Variants in RELN observed in about 807,000 individuals in gnomAD.
RELN encodes reelin.
Under a neutral mutation model 427.6 loss-of-function variants are expected in RELN, and 108 were observed. That is an observed-to-expected ratio of 0.25 (90% confidence interval 0.22 to 0.30). RELN has a LOEUF of 0.30. RELN is among the 10% of genes least tolerant of loss of function. The pLI is 1.00. For synonymous variants in RELN, 1,524 were observed against 1,513.4 expected (o/e 1.01, Z -0.16); for missense variants, 3,715 against 4,302.8 (o/e 0.86, Z 3.82).
intron 53 of RELN, among the ~76,000 whole-genome samples, chr7:103,500,394 CAATAAT>C (rs149534236): frequency 2.0e-5 from 3 of 150,538 alleles, no homozygotes; most frequent in African/African-American, 4.9e-5. Context: ...ACAATAATAA[CAATAAT>C]ATCTTCCTTC....
intron 1 of RELN, among the ~76,000 whole-genome samples, chr7:103,923,377 A>G (rs1795657563): frequency 6.6e-6 from 1 of 152,152 alleles, no homozygotes; most frequent in African/African-American, 2.4e-5. Context: ...TACATATATT[A>G]ATTCCATTTT....
In RELN at chr7:103,603,436, G is replaced by A. The variant is rs1831726618; in HGVS notation, c.3201C>T (p.Ser1067=). 6.2e-7 allele frequency: 1 copy of A among 1,613,882 alleles called. No individual in the cohort carries two copies. The highest frequency in any genetic ancestry group is 8.5e-7 in the Non-Finnish European group (1 of 1,179,848). ...GGTTCTCAAAATCTGACATAATTGT[G>A]GACGGAAGGGCAGCTTCTGGGTGGC... ...TECHPEAALP[S]TIMSDFENQN... Residue 1067 remains serine (S), a synonymous_variant, in exon 24 of 65, where the codon TCC becomes TCT. Coordinates refer to ENST00000428762, the MANE Select transcript of RELN (RefSeq NM_005045.4). The surrounding 1 kb of genome is among the most constrained non-coding windows in gnomAD (Gnocchi z 4.3).
chr7:103,572,260 T>C lies in RELN; in HGVS notation c.4512A>G (p.Arg1504=). 1 of 1,546,864 alleles carries C rather than the reference T, an allele frequency of 6.5e-7. No individual in the cohort carries two copies. The highest frequency in any genetic ancestry group is 1.1e-5 in the South Asian group (1 of 89,754). The change falls in exon 31 of 65, where the codon AGA becomes AGG. Residue 1504 remains arginine (R), a splice_region_variant and synonymous_variant. Transcript: ENST00000428762. ...CAATTTGTATATAAAATTGAACAAG[T>C]CTGGGGAATAAAAACTTTAGTTTAC... ...RTVPLDTRNI[R]LVQFYIQIGS...
intron 28 of RELN, among the ~76,000 whole-genome samples, chr7:103,579,136 T>C (rs947898979): frequency 1.3e-5 from 2 of 152,118 alleles, no homozygotes; most frequent in Non-Finnish European, 2.9e-5. Context: ...GGAGACACAC[T>C]TAATCAAACA....
intron 10 of RELN, among the ~76,000 whole-genome samples, chr7:103,687,663 A>C (rs1833791194): frequency 6.6e-6 from 1 of 152,128 alleles, no homozygotes; most frequent in Non-Finnish European, 1.5e-5. Context: ...AGATGATAGA[A>C]ACTGTAACTA....
chr7:103,706,169 T>G (rs1834195136), intron 8 of RELN, among the ~76,000 whole-genome samples: 1 of 151,996 alleles, frequency 6.6e-6, no homozygotes, highest in Non-Finnish European at 1.5e-5. Flanking sequence ...ACCTATTTGT[T>G]AGCATCATTG....
chr7:103,975,566 G>A (rs1253713374), intron 1 of RELN, among the ~76,000 whole-genome samples: 1 of 74,136 alleles, frequency 1.3e-5, no homozygotes, highest in Non-Finnish European at 2.9e-5. Flanking sequence ...TATTTATTTT[G>A]AGACGGAGTC....
intron 2 of RELN, among the ~76,000 whole-genome samples, chr7:103,841,915 A>C (rs1166452273): frequency 1.3e-5 from 2 of 152,138 alleles, no homozygotes; most frequent in Non-Finnish European, 2.9e-5. Flanking sequence ...TGGGTTCAAC[A>C]AGCCTTGGTC....
At chr7:103,860,883 C>T (rs868683439) in intron 2 of RELN, among the ~76,000 whole-genome samples, 1 of 152,058 alleles carries the variant, frequency 6.6e-6, no homozygotes, top group South Asian at 2.1e-4. Flanking sequence ...TTCATGACAC[C>T]TTGAGGATAA....
chr7:103,927,377 G>A (rs1014770455), intron 1 of RELN, among the ~76,000 whole-genome samples: 7 of 151,976 alleles, frequency 4.6e-5, no homozygotes, highest in African/African-American at 9.7e-5. Context: ...TGCTGACATC[G>A]AAATTCACAA....
At chr7:103,874,279 C>T (rs1794422993) in intron 2 of RELN, among the ~76,000 whole-genome samples, 2 of 124,060 alleles carry the variant, frequency 1.6e-5, no homozygotes, top group African/African-American at 2.9e-5. Flanking sequence ...TGGAAGCATT[C>T]CCTTTGAAAA....
At chr7:103,607,178 G>A (rs1831841012) in intron 22 of RELN, among the ~76,000 whole-genome samples, 1 of 151,842 alleles carries the variant, frequency 6.6e-6, no homozygotes. Flanking sequence ...ACACCAACAT[G>A]GCACATGTAT....
Position 103,636,314 on chromosome 7 carries a change from C to A in RELN, c.2224G>T (p.Ala742Ser). ...TTGAAAACCAGGGCCTTACCACTGG[C>A]CAAGACACCACAACCAAAGCTGACT... The part of the protein sequence containing the change: ...AEVSFGCGVL[A>S]SGKALVFNKD... Residue 742 changes from alanine (A) to serine (S), a missense_variant, in exon 18 of 65, where the codon GCC (alanine) becomes TCC (serine). Ala to Ser is a moderately conservative substitution (Grantham distance 99). This residue lies in a region of RELN where 2,208 missense variants were observed against 2,361.7 expected (regional missense o/e 0.93). Transcript: ENST00000428762. 2 of 1,614,026 alleles carry A rather than the reference C, an allele frequency of 1.2e-6. No individual in the cohort carries two copies. Among genetic ancestry groups the A allele is most frequent in the Non-Finnish European group, 8.5e-7 (1 of 1,179,964 alleles).
At chr7:103,956,157 C>T (rs1796430038) in intron 1 of RELN, among the ~76,000 whole-genome samples, 1 of 152,150 alleles carries the variant, frequency 6.6e-6, no homozygotes. Flanking sequence ...CTACATTGCT[C>T]ATAGACCATA....
intron 11 of RELN, among the ~76,000 whole-genome samples, chr7:103,677,488 G>A (rs1180638142): frequency 2.8e-5 from 4 of 144,366 alleles, no homozygotes; most frequent in East Asian, 4.0e-4. Flanking sequence ...AGTGAGGGCC[G>A]GGCACGGTGG....
At chr7:103,822,261 A>T (rs1307946682) in intron 3 of RELN, among the ~76,000 whole-genome samples, 1 of 152,060 alleles carries the variant, frequency 6.6e-6, no homozygotes, top group East Asian at 1.9e-4. Flanking sequence ...ATTAGTCTAA[A>T]TAGCATTCAA....
intron 20 of RELN, among the ~76,000 whole-genome samples, chr7:103,628,567 T>C (rs1785881345): frequency 6.6e-6 from 1 of 152,194 alleles, no homozygotes; most frequent in Non-Finnish European, 1.5e-5. Flanking sequence ...GTGTGTGAGA[T>C]CTGACTATAC....
chr7:103,739,881 A>G (rs1790597839), intron 6 of RELN, among the ~76,000 whole-genome samples: 1 of 152,184 alleles, frequency 6.6e-6, no homozygotes, highest in Admixed American at 6.5e-5. Flanking sequence ...AAAGATGCCC[A>G]TGGCCCAGGA....
At chr7:103,985,048 A>T (rs1370400583) in intron 1 of RELN, among the ~76,000 whole-genome samples, 1 of 152,218 alleles carries the variant, frequency 6.6e-6, no homozygotes, top group Non-Finnish European at 1.5e-5. Flanking sequence ...GAAATTGTCA[A>T]AATAAAGTGC....
Sources: gnomAD v4.1 joint callset for allele counts (sites outside exome capture counted in the v4.1 genomes callset) on GRCh38, gnomAD v4.1.1 for gene constraint, gnomAD v4.1.1 regional missense constraint, Gnocchi (gnomAD v3.1) non-coding constraint, MANE v1.5 for transcripts, NCBI Gene and HGNC (gene_info 2026-07-23, HGNC 2026-07-21) for gene names.